CUBN: variants seen among roughly 807,000 people sequenced by gnomAD.
CUBN encodes cubilin, also known as 460 kDa receptor.
Under a neutral mutation model 405.3 loss-of-function variants are expected in CUBN, and 282 were observed. The observed-to-expected ratio is 0.70, with a 90% CI of 0.63 to 0.77. The LOEUF is 0.77. Among genes scored for constraint, CUBN ranks in the 30% least tolerant of loss-of-function variants. CUBN has a pLI of 0.00. For synonymous variants in CUBN, 1,684 were observed against 1,617.0 expected, an observed-to-expected ratio of 1.04 and a Z score of -0.99; for missense variants, 4,514 against 4,475.2, an observed-to-expected ratio of 1.01 and a Z score of -0.25.
chr10:16,858,089 A>G (rs963095641), intron 59 of CUBN, among the ~76,000 whole-genome samples: 20 of 152,190 alleles, frequency 1.3e-4, no homozygotes, highest in Non-Finnish European at 2.9e-5. Context: ...ATATTTAGGT[A>G]TATACTTAAT....
In CUBN at chr10:16,954,423, T is replaced by C. The variant is rs762702117; in HGVS notation, c.4821A>G (p.Arg1607=). Residue 1607 remains arginine (R), a synonymous_variant, in exon 32 of 67, where the codon AGA becomes AGG. Coordinates refer to ENST00000377833, the MANE Select transcript of CUBN (RefSeq NM_001081.4). ...LFLRFQSGPS[R]QNRGFRAQFR... ...ATTGAGCTCGGAAGCCTCTGTTCTG[T>C]CTGGAAGGGCCAGACTGAAATCTCA... 3 of 1,614,038 alleles carry C rather than the reference T, an allele frequency of 1.9e-6. No individual in the cohort carries two copies. Among genetic ancestry groups the C allele is most frequent in the Non-Finnish European group, 2.5e-6 (3 of 1,180,034 alleles).
At chr10:16,825,130 A>G (rs1400853052) in intron 66 of CUBN, 48 bp from the exon 67 acceptor site, 2 of 1,375,272 alleles carry the variant, frequency 1.5e-6, no homozygotes, top group Non-Finnish European at 2.0e-6. Flanking sequence ...ACATATTTGA[A>G]CGTTTTTCTA....
chr10:16,908,073 A>C (rs1342846264), intron 48 of CUBN, among the ~76,000 whole-genome samples: 2 of 152,182 alleles, frequency 1.3e-5, no homozygotes, highest in African/African-American at 4.8e-5. Context: ...CTTGGAAGGG[A>C]AGCTTAAATA....
rs1290533026 is a variant in CUBN at position 16,915,059 on chromosome 10, T to G, written c.7324A>C (p.Arg2442=). ...TCCATACTGGATTCAAATCGCAGTC[T>G]GAATCCTGAGGCAGTCACAGAGCCG... is the stretch of plus-strand genomic sequence containing the variant. ...TDGSVTASGF[R]LRFESSMEEC... The change falls in exon 47 of 67, where the codon AGA becomes CGA. Residue 2442 remains arginine, a synonymous_variant. Coordinates refer to ENST00000377833, the MANE Select transcript of CUBN (RefSeq NM_001081.4). The G allele has an allele frequency of 1.2e-6, 2 of 1,613,966 alleles. No individual in the cohort carries two copies. Among genetic ancestry groups the G allele is most frequent in the South Asian group, 2.2e-5 (2 of 91,082 alleles).
At chr10:17,075,013 G>A (rs999462206) in intron 17 of CUBN, among the ~76,000 whole-genome samples, 1 of 150,486 alleles carries the variant, frequency 6.6e-6, no homozygotes, top group Non-Finnish European at 1.5e-5. Context: ...CTTGAAAGCT[G>A]AGTAGGAGTT....
intron 55 of CUBN, among the ~76,000 whole-genome samples, chr10:16,889,935 C>CTAAAAAAAAA (rs1840944347): frequency 5.0e-5 from 1 of 19,902 alleles, no homozygotes; most frequent in African/African-American, 2.1e-4. Flanking sequence ...GACGCCGTGT[C>CTAAAAAAAAA]AAAAAAAAAA....
At chr10:17,115,387 T>C in intron 7 of CUBN, 84 bp downstream of exon 7, 5 of 1,562,186 alleles carry the variant, frequency 3.2e-6, no homozygotes, top group Non-Finnish European at 4.4e-6. Flanking sequence ...CTCCAGGTAG[T>C]GCTTGTATGC....
intron 22 of CUBN, among the ~76,000 whole-genome samples, chr10:17,047,975 G>T (rs530597610): frequency 1.4e-4 from 22 of 152,304 alleles, no homozygotes; most frequent in African/African-American, 5.1e-4. Flanking sequence ...CTTTAAAGTG[G>T]TTTTCACCAA....
intron 31 of CUBN, among the ~76,000 whole-genome samples, chr10:16,955,098 T>A (rs960850632): frequency 6.6e-6 from 1 of 152,072 alleles, no homozygotes; most frequent in Non-Finnish European, 1.5e-5. Context: ...TGCCCGTGCA[T>A]GGTGGCTCAC....
intron 22 of CUBN, 106 bp from the exon 23 acceptor site, chr10:17,047,709 A>G (rs1588609767): frequency 9.5e-7 from 1 of 1,053,364 alleles, no homozygotes; most frequent in African/African-American, 1.6e-5. Flanking sequence ...CTTGATTTTC[A>G]ATAAGCCATT....
intron 28 of CUBN, among the ~76,000 whole-genome samples, chr10:17,012,538 C>A (rs1834213851): frequency 6.6e-6 from 1 of 152,184 alleles, no homozygotes; most frequent in Admixed American, 6.5e-5. Context: ...TTATTTCTTG[C>A]AAACTGTCTG....
intron 31 of CUBN, among the ~76,000 whole-genome samples, chr10:16,980,697 G>T (rs371741812): frequency 2.0e-5 from 3 of 152,036 alleles, no homozygotes; most frequent in East Asian, 1.9e-4. Flanking sequence ...GTCGAGGGGT[G>T]GGGGGCTAAG....
rs1257424072 is a variant in CUBN, at chr10:17,031,606, C to T, written c.4017+9427G>A. The stretch of plus-strand genomic sequence containing the variant: ...TGGGTGCCTAGAAGACATTCTCTTG[C>T]GAACGAGTGCTAGAGGACTTACTAC... On this transcript the variant is annotated intron_variant, in intron 27 of 66. Coordinates refer to ENST00000377833, the MANE Select transcript of CUBN (RefSeq NM_001081.4). Among the ~76,000 whole-genome samples the T allele has an allele frequency of 2.6e-5, 4 of 152,166 alleles. No homozygotes were observed. The South Asian group carries it at 6.2e-4, about 24-fold the overall frequency.
rs745617072 is a variant in CUBN, at chr10:16,869,849, T to C, written c.9241A>G (p.Ser3081Gly). 5.0e-6 allele frequency: 8 copies of C among 1,603,662 alleles called. No individual in the cohort carries two copies. The highest frequency in any genetic ancestry group is 2.2e-5 in the South Asian group (2 of 90,870). The change falls in exon 59 of 67, where the codon AGT (serine) becomes GGT (glycine). Residue 3081 changes from serine (S) to glycine (G), a missense_variant. This residue lies in a region of CUBN where 1,186 missense variants were observed against 1,186.9 expected (regional missense o/e 1.00). Coordinates refer to ENST00000377833, the MANE Select transcript of CUBN (RefSeq NM_001081.4). ...GTGGAGGGAACCACATCAAAATCAC[T>C]GAACCTGTGAAATGTACCTTGTTAA... ...SDDKVIELKFSDFDVVPSTSC... is the reference protein window; with the variant it reads ...SDDKVIELKFGDFDVVPSTSC...
intron 32 of CUBN, among the ~76,000 whole-genome samples, chr10:16,953,530 C>G (rs947023442): frequency 5.9e-5 from 9 of 152,086 alleles, no homozygotes; most frequent in African/African-American, 2.2e-4. Flanking sequence ...AGGGGTTCAT[C>G]TCTTAGAACG....
At chr10:16,889,801 C>T (rs1376065832) in intron 55 of CUBN, among the ~76,000 whole-genome samples, 3 of 151,840 alleles carry the variant, frequency 2.0e-5, no homozygotes, top group Non-Finnish European at 4.4e-5. Flanking sequence ...ACTCGGCAGG[C>T]TAAGGCAGGA....
intron 31 of CUBN, among the ~76,000 whole-genome samples, chr10:16,956,830 A>G (rs1843078509): frequency 6.6e-6 from 1 of 152,074 alleles, no homozygotes; most frequent in Non-Finnish European, 1.5e-5. Context: ...ATTTTTATAA[A>G]AGTTTAAGAT....
At chr10:16,989,063 G>A (rs1012965751) in intron 29 of CUBN, among the ~76,000 whole-genome samples, 1 of 152,074 alleles carries the variant, frequency 6.6e-6, no homozygotes, top group African/African-American at 2.4e-5. Context: ...TCTTTGCCAG[G>A]TACTCTGTGG....
chr10:17,006,065 G>A (rs149888798), intron 28 of CUBN, among the ~76,000 whole-genome samples: 40 of 152,214 alleles, frequency 2.6e-4, no homozygotes, highest in Non-Finnish European at 3.8e-4. Flanking sequence ...CAACCCTGCC[G>A]ACACCTTGAC....
Sources: gnomAD v4.1 joint callset for allele counts (sites outside exome capture counted in the v4.1 genomes callset) on GRCh38, gnomAD v4.1.1 for gene constraint, gnomAD v4.1.1 regional missense constraint, MANE v1.5 for transcripts, NCBI Gene and HGNC (gene_info 2026-07-23, HGNC 2026-07-21) for gene names.